The following CACNA2D1 variants were observed in gnomAD, a reference collection of about 807,000 sequenced individuals.
CACNA2D1 encodes calcium voltage-gated channel auxiliary subunit alpha2delta 1.
Under a neutral mutation model 171.5 loss-of-function variants are expected in CACNA2D1, and 53 were observed. That is an observed-to-expected ratio of 0.31 (90% CI 0.25 to 0.39). CACNA2D1 has a LOEUF of 0.39. Among genes scored for constraint, CACNA2D1 ranks in the 10% least tolerant of loss-of-function variants. The pLI is 1.00. For missense variants in CACNA2D1, 903 were observed against 1,299.8 expected (o/e 0.69, Z 4.69); for synonymous variants, 442 against 443.1 (o/e 1.00, Z 0.03).
At chr7:82,277,610 A>C (rs1474974231) in intron 3 of CACNA2D1, among the ~76,000 whole-genome samples, 2 of 152,146 alleles carry the variant, frequency 1.3e-5, no homozygotes, top group East Asian at 3.9e-4. Context: ...ACAATGATAG[A>C]CCTAAAAGAA....
chr7:82,036,358 C>A (rs1444158662), intron 11 of CACNA2D1, among the ~76,000 whole-genome samples: 1 of 152,162 alleles, frequency 6.6e-6, no homozygotes, highest in Non-Finnish European at 1.5e-5. Context: ...TGCTCATGTC[C>A]CAACTATGCC....
At chr7:82,206,875 T>C (rs1800048031) in intron 3 of CACNA2D1, among the ~76,000 whole-genome samples, 1 of 152,208 alleles carries the variant, frequency 6.6e-6, no homozygotes, top group Non-Finnish European at 1.5e-5. Flanking sequence ...AACCATCCTA[T>C]ATATAATATT....
intron 3 of CACNA2D1, among the ~76,000 whole-genome samples, chr7:82,274,698 G>T (rs566105890): frequency 1.3e-5 from 2 of 151,990 alleles, no homozygotes; most frequent in Non-Finnish European, 2.9e-5. Context: ...AATGTACAGG[G>T]GCTCATATGA....
rs557116206 is a variant in CACNA2D1, at chr7:82,121,055, G to T, written c.397-3882C>A. On this transcript the variant is annotated intron_variant, in intron 5 of 38. Coordinates refer to ENST00000356860, the MANE Select transcript of CACNA2D1 (RefSeq NM_000722.4). ...CAGAGGAAAAGCCTTGTGATTTTTT[G>T]TTTGTTTGTTTGTTTTGTTTTGAAT... Among the ~76,000 whole-genome samples the T allele has an allele frequency of 9.0e-4, 119 of 132,780 alleles. 1 individual carries two copies. The highest frequency in any genetic ancestry group is 3.0e-3 in the African/African-American group (118 of 39,722). The allele number at this position is 132,780 out of a possible 152,430, so 87.1% of individuals were successfully genotyped here. A position where few individuals can be genotyped will look rare whatever the true frequency, so the allele number is the denominator to read the frequency against.
intron 24 of CACNA2D1, among the ~76,000 whole-genome samples, chr7:81,977,175 T>C (rs998428406): frequency 3.3e-5 from 5 of 152,192 alleles, no homozygotes; most frequent in Admixed American, 2.6e-4. Flanking sequence ...CAGTATGATA[T>C]TGGCTGTGGG....
At chr7:82,247,909 A>G (rs1322684107) in intron 3 of CACNA2D1, among the ~76,000 whole-genome samples, 3 of 152,180 alleles carry the variant, frequency 2.0e-5, no homozygotes, top group Non-Finnish European at 2.9e-5. Context: ...AAAAACTTTA[A>G]TATCTGATTA....
rs748774820 is a variant in CACNA2D1 at position 81,959,238 on chromosome 7, T to C, written c.3159+37A>G. The C allele has an allele frequency of 2.2e-6, 3 of 1,372,808 alleles. No individual in the cohort carries two copies. In the South Asian group the frequency reaches 3.5e-5, roughly 16 times the overall value. The allele number at this position is 1,372,808 out of a possible 1,614,324, so 85.0% of individuals were successfully genotyped here. Reference sequence around the variant, plus strand: ...AATTCTTGCGGACAGTGACCATTAATTTATAGTATTTTAATCCAGTAGAAG... The same window carrying C: ...AATTCTTGCGGACAGTGACCATTAACTTATAGTATTTTAATCCAGTAGAAG... On this transcript the variant is annotated intron_variant, in intron 38 of 38. Coordinates refer to ENST00000356860, the MANE Select transcript of CACNA2D1 (RefSeq NM_000722.4).
chr7:82,304,107 A>G (rs1162130358), intron 3 of CACNA2D1, among the ~76,000 whole-genome samples: 1 of 152,154 alleles, frequency 6.6e-6, no homozygotes, highest in African/African-American at 2.4e-5. Flanking sequence ...AACATCGCTA[A>G]TCATCAGGGA....
At chr7:82,097,686 A>G (rs1812059399) in intron 6 of CACNA2D1, among the ~76,000 whole-genome samples, 1 of 152,214 alleles carries the variant, frequency 6.6e-6, no homozygotes, top group African/African-American at 2.4e-5. Flanking sequence ...AGAGTAGTCA[A>G]TCTGCATCTT....
At chr7:82,125,340 C>T (rs2129062048) in intron 5 of CACNA2D1, among the ~76,000 whole-genome samples, 1 of 152,262 alleles carries the variant, frequency 6.6e-6, no homozygotes, top group South Asian at 2.1e-4. Flanking sequence ...TTTTTGCTTA[C>T]TCTGGGAATT....
chr7:82,136,848 C>T (rs1486635668), intron 4 of CACNA2D1, among the ~76,000 whole-genome samples, 172 bp from the exon 5 acceptor site: 1 of 152,018 alleles, frequency 6.6e-6, no homozygotes, highest in African/African-American at 2.4e-5. Context: ...ATATTAAAAC[C>T]GTTTATCAGT....
chr7:82,036,406 C>T (rs565658917), intron 11 of CACNA2D1, among the ~76,000 whole-genome samples: 6 of 152,294 alleles, frequency 3.9e-5, no homozygotes, highest in Non-Finnish European at 5.9e-5. Context: ...TGTTGTGTCA[C>T]ACTTCTGTGA....
chr7:82,401,942 G>A (rs78773757), intron 1 of CACNA2D1, among the ~76,000 whole-genome samples: 3,181 of 152,242 alleles, frequency 0.021, 118 homozygotes, highest in East Asian at 0.12. Flanking sequence ...GATAGAAAGC[G>A]CGAAAGCAGA....
chr7:82,140,954 TAA>T (rs1324664679), intron 4 of CACNA2D1, among the ~76,000 whole-genome samples: 9 of 91,782 alleles, frequency 9.8e-5, no homozygotes, highest in Non-Finnish European at 1.0e-4. Flanking sequence ...GACTCGTCTC[TAA>T]AAAAAAAAAA....
intron 3 of CACNA2D1, among the ~76,000 whole-genome samples, chr7:82,183,224 A>G (rs1156708871): frequency 6.6e-6 from 1 of 152,126 alleles, no homozygotes; most frequent in East Asian, 1.9e-4. Flanking sequence ...GTCATAATCC[A>G]AGAGTTTTAA....
At chr7:82,405,632 T>C (rs2129452853) in intron 1 of CACNA2D1, among the ~76,000 whole-genome samples, 1 of 152,290 alleles carries the variant, frequency 6.6e-6, no homozygotes, top group Middle Eastern at 3.4e-3. Context: ...TATATGTACT[T>C]ACATATTAAA....
intron 6 of CACNA2D1, among the ~76,000 whole-genome samples, chr7:82,107,211 T>C (rs545685549): frequency 1.2e-4 from 18 of 152,266 alleles, no homozygotes; most frequent in Non-Finnish European, 2.1e-4. Context: ...CCTAGGTAGT[T>C]CTGGGGAGCA....
chr7:82,294,719 T>C (rs2190525), intron 3 of CACNA2D1, among the ~76,000 whole-genome samples: 11,133 of 152,094 alleles, frequency 0.073, 530 homozygotes, highest in Admixed American at 0.12. Context: ...AGCCCAACCA[T>C]GTAGAAGAAA....
intron 3 of CACNA2D1, among the ~76,000 whole-genome samples, chr7:82,314,219 A>C (rs547394831): frequency 6.6e-5 from 10 of 152,256 alleles, no homozygotes; most frequent in African/African-American, 2.2e-4. Flanking sequence ...TATTTGCTAT[A>C]CTGGCCATCT....
Sources: allele counts gnomAD v4.1 joint callset (sites outside exome capture counted in the v4.1 genomes callset), GRCh38; gene constraint gnomAD v4.1.1; transcripts MANE v1.5; gene names NCBI Gene and HGNC (gene_info 2026-07-23, HGNC 2026-07-21).